Variants in FBXL20 observed in about 807,000 individuals in gnomAD.
FBXL20 encodes the protein F-box and leucine rich repeat protein 20.
In FBXL20, 11 loss-of-function variants were observed where a neutral mutation model predicts 64.0. That is an observed-to-expected ratio of 0.17 (90% CI 0.11 to 0.28). The LOEUF is 0.28. Among genes scored for constraint, FBXL20 ranks in the 10% least tolerant of loss-of-function variants. The pLI, the probability that FBXL20 is intolerant of heterozygous loss-of-function variation, is 1.00. For synonymous variants in FBXL20, 184 were observed against 189.0 expected (o/e 0.97, Z 0.22); for missense variants, 303 against 526.2 (o/e 0.58, Z 4.15).
In FBXL20 at chr17:39,254,788, G is replaced by A. The variant is rs373786844; in HGVS notation, c.*6672C>T. On this transcript the variant is annotated 3_prime_UTR_variant, in exon 15 of 15. Transcript: ENST00000264658. ...AACTTGTCTATCATTTTACCATGCC[G>A]ATTCTTCAAAATAAGACTATAAAAC... 3.2e-5 allele frequency: 5 copies of A among 154,566 alleles called. No individual in the cohort carries two copies. The highest frequency in any genetic ancestry group is 1.9e-4 in the East Asian group (1 of 5,322). 9.6% of individuals were successfully genotyped at this position (154,566 alleles called of 1,614,324 possible). A position where few individuals can be genotyped will look rare whatever the true frequency, so the allele number is the denominator to read the frequency against.
chr17:39,319,306 A>G (rs1262241291), intron 2 of FBXL20, among the ~76,000 whole-genome samples: 1 of 152,126 alleles, frequency 6.6e-6, no homozygotes, highest in African/African-American at 2.4e-5. Flanking sequence ...GTTTAAGGAT[A>G]GTTTTTCAAA....
At chr17:39,362,339 C>T (rs1269975675) in intron 1 of FBXL20, among the ~76,000 whole-genome samples, 1 of 152,100 alleles carries the variant, frequency 6.6e-6, no homozygotes, top group Non-Finnish European at 1.5e-5. Flanking sequence ...GTGGCTCATA[C>T]CTGTAATCCC....
At chr17:39,338,597 CTAGCCAAAATAAA>C (rs2047552217) in intron 2 of FBXL20, among the ~76,000 whole-genome samples, 1 of 152,080 alleles carries the variant, frequency 6.6e-6, no homozygotes, top group Non-Finnish European at 1.5e-5. Flanking sequence ...CAATGTAGTT[CTAGCCAAAATAAA>C]TTTATTAACT....
intron 12 of FBXL20, among the ~76,000 whole-genome samples, chr17:39,267,370 C>G (rs373251936): frequency 3.3e-5 from 5 of 152,118 alleles, no homozygotes; most frequent in East Asian, 1.9e-4. Context: ...TCCCCCAGAA[C>G]CTCTACTTGC....
At chr17:39,332,532 GTATC>G (rs2047471592) in intron 2 of FBXL20, among the ~76,000 whole-genome samples, 1 of 117,886 alleles carries the variant, frequency 8.5e-6, no homozygotes, top group South Asian at 2.9e-4. Context: ...ATTTTTCTTT[GTATC>G]TTTTTTTTTT....
At chr17:39,331,650 T>C (rs1008008249) in intron 2 of FBXL20, among the ~76,000 whole-genome samples, 3 of 152,194 alleles carry the variant, frequency 2.0e-5, no homozygotes, top group Non-Finnish European at 2.9e-5. Context: ...GCATAATGCC[T>C]GGAACACTGT....
intron 1 of FBXL20, among the ~76,000 whole-genome samples, chr17:39,349,324 C>CAAAAAAAAAAA: frequency 2.5e-5 from 1 of 40,516 alleles, no homozygotes; most frequent in Non-Finnish European, 4.1e-5. Context: ...GATTCCATCT[C>CAAAAAAAAAAA]AAAAAAAAAA....
chr17:39,337,568 G>C (rs1370049007), intron 2 of FBXL20, among the ~76,000 whole-genome samples: 13 of 150,954 alleles, frequency 8.6e-5, no homozygotes, highest in South Asian at 6.3e-4. Flanking sequence ...GCCCCGTCTG[G>C]GATGTGAGGA....
chr17:39,342,933 A>G (rs1278551512), intron 2 of FBXL20, among the ~76,000 whole-genome samples: 2 of 152,148 alleles, frequency 1.3e-5, no homozygotes, highest in Non-Finnish European at 2.9e-5. Context: ...GAATAAAGAA[A>G]AGGGAAAATA....
intron 4 of FBXL20, among the ~76,000 whole-genome samples, chr17:39,300,046 G>A (rs530670735): frequency 6.6e-6 from 1 of 152,178 alleles, no homozygotes; most frequent in Non-Finnish European, 1.5e-5. Context: ...GCAGTGAGCT[G>A]AGACCGCACC....
At chr17:39,374,457 C>T (rs1208793334) in intron 1 of FBXL20, among the ~76,000 whole-genome samples, 1 of 151,770 alleles carries the variant, frequency 6.6e-6, no homozygotes, top group Non-Finnish European at 1.5e-5. Flanking sequence ...ATGAGAACTG[C>T]TTGAACCTGG....
chr17:39,259,037 T>G lies in FBXL20; in HGVS notation c.*2423A>C, dbSNP rs1192555567. On this transcript the variant is annotated 3_prime_UTR_variant, in exon 15 of 15. Coordinates refer to ENST00000264658, the MANE Select transcript of FBXL20 (RefSeq NM_032875.3). ...CAATAAAACAGGATTTAAAATAAAT[T>G]TAATATGATAAATATTAATGGATAG... 1.3e-5 allele frequency: 2 copies of G among 152,192 alleles called. No individual in the cohort carries two copies. The highest frequency in any genetic ancestry group is 3.8e-4 in the East Asian group (2 of 5,202). The allele number at this position is 152,192 out of a possible 1,614,324, so 9.4% of individuals were successfully genotyped here.
At chr17:39,313,561 A>G (rs1597791784) in intron 2 of FBXL20, among the ~76,000 whole-genome samples, 1 of 151,934 alleles carries the variant, frequency 6.6e-6, no homozygotes, top group Non-Finnish European at 1.5e-5. Flanking sequence ...AACCAAAATA[A>G]AAGAATTGGT....
At chr17:39,341,071 A>G (rs1226812771) in intron 2 of FBXL20, among the ~76,000 whole-genome samples, 1 of 151,472 alleles carries the variant, frequency 6.6e-6, no homozygotes, top group Non-Finnish European at 1.5e-5. Context: ...TCAAGCAACT[A>G]CTTTACATAC....
chr17:39,326,612 A>G (rs1555609272), intron 2 of FBXL20, among the ~76,000 whole-genome samples: 1 of 151,116 alleles, frequency 6.6e-6, no homozygotes, highest in Non-Finnish European at 1.5e-5. Context: ...ACAGAGCAAG[A>G]CCCTATTTAA....
At chr17:39,302,652 C>T (rs2047148031) in intron 3 of FBXL20, among the ~76,000 whole-genome samples, 1 of 152,116 alleles carries the variant, frequency 6.6e-6, no homozygotes, top group Admixed American at 6.6e-5. Flanking sequence ...GGATTACAGG[C>T]GTGAGCCACT....
At chr17:39,273,464 T>C (rs1238927774) in intron 10 of FBXL20, among the ~76,000 whole-genome samples, 1 of 152,182 alleles carries the variant, frequency 6.6e-6, no homozygotes, top group East Asian at 1.9e-4. Flanking sequence ...TACTTGTTCC[T>C]ACACTAACTA....
intron 1 of FBXL20, among the ~76,000 whole-genome samples, chr17:39,392,256 A>G (rs1451520742): frequency 2.0e-5 from 3 of 152,116 alleles, no homozygotes; most frequent in Non-Finnish European, 4.4e-5. Context: ...CCTGGCCAAC[A>G]TGGTGAAACC....
At chr17:39,330,770 A>G (rs1055969590) in intron 2 of FBXL20, among the ~76,000 whole-genome samples, 4 of 152,184 alleles carry the variant, frequency 2.6e-5, no homozygotes, top group African/African-American at 9.6e-5. Context: ...GAAATGGAAC[A>G]ATGAGCTTGA....
Sources: gnomAD v4.1 joint callset for allele counts (sites outside exome capture counted in the v4.1 genomes callset) on GRCh38, gnomAD v4.1.1 for gene constraint, MANE v1.5 for transcripts, NCBI Gene and HGNC (gene_info 2026-07-23, HGNC 2026-07-21) for gene names.